SNTB2: variants seen among roughly 807,000 people sequenced by gnomAD.
The protein encoded by SNTB2 is syntrophin beta 2.
In SNTB2, 34 loss-of-function variants were observed where a neutral mutation model predicts 46.2. The observed-to-expected ratio is 0.74, with a 90% CI of 0.56 to 0.98. SNTB2 has a LOEUF of 0.98. SNTB2 is among the 50% of genes least tolerant of loss of function. SNTB2 has a pLI of 0.00. For synonymous variants in SNTB2, 290 were observed against 312.6 expected (o/e 0.93, Z 0.76); for missense variants, 603 against 731.4 (o/e 0.82, Z 2.02).
rs191657795 is a variant in SNTB2, at chr16:69,189,338, C to T, written c.580+1592C>T. 3.3e-5 allele frequency among the ~76,000 whole-genome samples: 5 copies of T among 152,192 alleles called. No individual in the cohort carries two copies. The East Asian group carries it at 9.6e-4, about 29-fold the overall frequency. On this transcript the variant is annotated intron_variant, in intron 1 of 6. Transcript: ENST00000336278. ...TCTAAACGTGTACCTTGAAGTTGGT[C>T]TAGCTAAGCATTTGGTTATAAATTC... is the stretch of plus-strand genomic sequence containing the variant.
At chr16:69,218,411 TTTC>T (rs1251006102) in intron 1 of SNTB2, among the ~76,000 whole-genome samples, 46 of 151,990 alleles carry the variant, frequency 3.0e-4, no homozygotes, top group Admixed American at 8.5e-4. Flanking sequence ...TCCATTTTCT[TTTC>T]TTCTTCTTCT....
intron 5 of SNTB2, among the ~76,000 whole-genome samples, chr16:69,298,157 C>T (rs1965245414): frequency 1.3e-5 from 2 of 152,074 alleles, no homozygotes; most frequent in Non-Finnish European, 2.9e-5. Flanking sequence ...AGGCTGTTCT[C>T]TAGCGCCTGG....
At chr16:69,286,457 G>A (rs1473393056) in intron 5 of SNTB2, among the ~76,000 whole-genome samples, 1 of 152,146 alleles carries the variant, frequency 6.6e-6, no homozygotes, top group African/African-American at 2.4e-5. Context: ...GCTAAGGCTG[G>A]CGCATTGTTT....
chr16:69,247,835 T>C (rs1166486761), intron 2 of SNTB2, among the ~76,000 whole-genome samples: 2 of 152,236 alleles, frequency 1.3e-5, no homozygotes, highest in Non-Finnish European at 2.9e-5. Context: ...GTCTTAACTC[T>C]GCTGGGCACA....
intron 4 of SNTB2, among the ~76,000 whole-genome samples, chr16:69,280,464 G>A (rs566027305): frequency 0.023 from 3,441 of 147,682 alleles, 116 homozygotes; most frequent in African/African-American, 0.081. Flanking sequence ...CTCACCTCCC[G>A]GACGGGGCGG....
chr16:69,201,340 A>G (rs781499923), intron 1 of SNTB2, among the ~76,000 whole-genome samples: 1 of 152,222 alleles, frequency 6.6e-6, no homozygotes, highest in African/African-American at 2.4e-5. Flanking sequence ...GCCATCTTAT[A>G]ACTTGTAAAA....
chr16:69,198,823 T>C (rs568879048), intron 1 of SNTB2, among the ~76,000 whole-genome samples: 2 of 151,820 alleles, frequency 1.3e-5, no homozygotes, highest in African/African-American at 4.8e-5. Context: ...AAATATGAAA[T>C]AGAGAATGAA....
chr16:69,237,603 CTTT>C (rs397706857), intron 1 of SNTB2, among the ~76,000 whole-genome samples: 26 of 118,742 alleles, frequency 2.2e-4, no homozygotes, highest in Non-Finnish European at 2.9e-4. Context: ...TTCTTTCTTT[CTTT>C]TTTTTTTTTT....
chr16:69,197,780 A>C (rs1325204510), intron 1 of SNTB2, among the ~76,000 whole-genome samples: 2 of 152,178 alleles, frequency 1.3e-5, no homozygotes, highest in Admixed American at 1.3e-4. Context: ...TGGCCAGTAA[A>C]AGTATTTACA....
At chr16:69,282,035 A>T (rs1488548579) in intron 4 of SNTB2, among the ~76,000 whole-genome samples, 2 of 148,944 alleles carry the variant, frequency 1.3e-5, no homozygotes, top group African/African-American at 2.5e-5. Context: ...CCTTCCGAGT[A>T]GCTGAGATTA....
In SNTB2 at chr16:69,187,752, C is replaced by T. The variant is rs1278921381; in HGVS notation, c.580+6C>T. 2.0e-5 allele frequency: 5 copies of T among 249,150 alleles called. No homozygotes were observed. The highest frequency in any genetic ancestry group is 6.6e-5 in the Admixed American group (1 of 15,144). The allele number at this position is 249,150 out of a possible 1,614,324, so 15.4% of individuals were successfully genotyped here. The stretch of plus-strand genomic sequence containing the variant: ...CAAGGAGGTGCTGCTGGAGGGTGAG[C>T]GGGGCCGGGCGGGAGGGTGGGCAGG... On this transcript the variant is annotated splice_donor_region_variant and intron_variant, in intron 1 of 6. Transcript: ENST00000336278.
chr16:69,275,986 G>A (rs1964982155), intron 4 of SNTB2, among the ~76,000 whole-genome samples: 1 of 152,190 alleles, frequency 6.6e-6, no homozygotes, highest in Admixed American at 6.6e-5. Flanking sequence ...CTGTACGTGT[G>A]TGGGTTTTAA....
chr16:69,258,605 C>CTTTTTTTTTTTTTTTTTT (rs67116274), intron 2 of SNTB2, among the ~76,000 whole-genome samples: 4 of 83,488 alleles, frequency 4.8e-5, no homozygotes, highest in Admixed American at 1.5e-4. Context: ...CTTGTTCTTT[C>CTTTTTTTTTTTTTTTTTT]TTTTTTTTTT....
intron 2 of SNTB2, among the ~76,000 whole-genome samples, chr16:69,255,220 C>T (rs1416355916): frequency 6.6e-6 from 1 of 151,946 alleles, no homozygotes; most frequent in Non-Finnish European, 1.5e-5. Context: ...GCCTCAGCCT[C>T]GCTAGTAGCT....
chr16:69,300,147 C>T (rs1315394953), intron 6 of SNTB2, among the ~76,000 whole-genome samples: 2 of 152,134 alleles, frequency 1.3e-5, no homozygotes, highest in Non-Finnish European at 2.9e-5. Flanking sequence ...ATCTTCCCAT[C>T]TTGGCCTCCC....
At chr16:69,243,435 T>C (rs897476100) in intron 1 of SNTB2, among the ~76,000 whole-genome samples, 1 of 152,204 alleles carries the variant, frequency 6.6e-6, no homozygotes, top group Non-Finnish European at 1.5e-5. Flanking sequence ...AATACATAAA[T>C]TGTATGTGTA....
At chr16:69,238,021 G>A (rs931295077) in intron 1 of SNTB2, among the ~76,000 whole-genome samples, 1 of 152,100 alleles carries the variant, frequency 6.6e-6, no homozygotes, top group Non-Finnish European at 1.5e-5. Context: ...TTCCTTGCTT[G>A]TGCTGGAAGT....
At chr16:69,193,503 A>G (rs1181912731) in intron 1 of SNTB2, among the ~76,000 whole-genome samples, 1 of 150,488 alleles carries the variant, frequency 6.6e-6, no homozygotes, top group Non-Finnish European at 1.5e-5. Flanking sequence ...TAATTTTTGT[A>G]TTTTTAGTAG....
chr16:69,205,306 C>T (rs1046955370), intron 1 of SNTB2, among the ~76,000 whole-genome samples: 3 of 149,892 alleles, frequency 2.0e-5, no homozygotes, highest in Non-Finnish European at 4.4e-5. Flanking sequence ...CGCGCCACCA[C>T]GCTTGGCAAA....
Sources: allele counts gnomAD v4.1 joint callset (sites outside exome capture counted in the v4.1 genomes callset), GRCh38; gene constraint gnomAD v4.1.1; transcripts MANE v1.5; gene names NCBI Gene and HGNC (gene_info 2026-07-23, HGNC 2026-07-21).